Variants in RNGTT observed in about 807,000 individuals in gnomAD.
RNGTT encodes mRNA-capping enzyme.
A neutral mutation model predicts 79.3 loss-of-function variants in RNGTT; 33 were observed. That is an observed-to-expected ratio of 0.42 (90% confidence interval 0.32 to 0.56). The LOEUF is 0.56. Ranked by LOEUF, RNGTT falls within the 20% of genes least tolerant of loss-of-function variation. The pLI is 0.17. For synonymous variants in RNGTT, 222 were observed against 235.9 expected, an observed-to-expected ratio of 0.94 and a Z score of 0.54; for missense variants, 497 against 739.1, an observed-to-expected ratio of 0.67 and a Z score of 3.80.
At chr6:88,737,394 T>C (rs1190035714) in intron 13 of RNGTT, among the ~76,000 whole-genome samples, 1 of 152,186 alleles carries the variant, frequency 6.6e-6, no homozygotes, top group Admixed American at 6.6e-5. Flanking sequence ...CTTTGAACTT[T>C]AGGGTTGATG....
chr6:88,749,425 C>A (rs1017902150), intron 13 of RNGTT, among the ~76,000 whole-genome samples: 1 of 150,408 alleles, frequency 6.6e-6, no homozygotes, highest in Admixed American at 6.6e-5. Context: ...AGGGTAATCA[C>A]CAAGAAAACT....
intron 1 of RNGTT, among the ~76,000 whole-genome samples, chr6:88,958,933 A>G (rs762909716): frequency 6.6e-6 from 1 of 152,246 alleles, no homozygotes; most frequent in Non-Finnish European, 1.5e-5. Flanking sequence ...ACAATTTGCA[A>G]TTGCAAAAAT....
At chr6:88,754,233 G>A (rs1049402079) in intron 13 of RNGTT, among the ~76,000 whole-genome samples, 2 of 152,096 alleles carry the variant, frequency 1.3e-5, no homozygotes, top group African/African-American at 4.8e-5. Flanking sequence ...TTCCTAGCAG[G>A]GGAAATGATT....
At chr6:88,938,761 T>C (rs565166550) in intron 2 of RNGTT, among the ~76,000 whole-genome samples, 1 of 152,310 alleles carries the variant, frequency 6.6e-6, no homozygotes, top group Non-Finnish European at 1.5e-5. Flanking sequence ...GTCTTTCAAT[T>C]TCAGGTACAG....
At chr6:88,668,289 C>T (rs1383925152) in intron 14 of RNGTT, among the ~76,000 whole-genome samples, 3 of 152,164 alleles carry the variant, frequency 2.0e-5, no homozygotes, top group Non-Finnish European at 4.4e-5. Flanking sequence ...AAACCCACAG[C>T]ACCTGAGACC....
At chr6:88,719,195 C>A (rs903652132) in intron 13 of RNGTT, among the ~76,000 whole-genome samples, 7 of 152,172 alleles carry the variant, frequency 4.6e-5, no homozygotes, top group African/African-American at 1.4e-4. Flanking sequence ...TAGAATACTG[C>A]AAGGTATCAA....
chr6:88,827,345 A>G lies in RNGTT; in HGVS notation c.1269+17012T>C, dbSNP rs1000551867. 5.3e-5 allele frequency among the ~76,000 whole-genome samples: 8 copies of G among 152,124 alleles called. No homozygotes were observed. The South Asian group carries it at 1.7e-3, about 31-fold the overall frequency. On this transcript the variant is annotated intron_variant, in intron 11 of 15. Transcript: ENST00000369485. ...CATGACGGACTGTGCCATGAGGGAC[A>G]GTGCACTCAGGCCCAGATACTACGC...
At chr6:88,943,435 C>T (rs1258206820) in intron 1 of RNGTT, among the ~76,000 whole-genome samples, 1 of 152,164 alleles carries the variant, frequency 6.6e-6, no homozygotes, top group Non-Finnish European at 1.5e-5. Flanking sequence ...CAGAATCTGA[C>T]CACTTCTCAC....
chr6:88,770,302 C>A (rs894104490), intron 12 of RNGTT, among the ~76,000 whole-genome samples: 4 of 152,166 alleles, frequency 2.6e-5, no homozygotes, highest in Non-Finnish European at 5.9e-5. Flanking sequence ...GAAAAAATTT[C>A]TTGCTACCAT....
chr6:88,900,408 A>C (rs1047778372), intron 6 of RNGTT, among the ~76,000 whole-genome samples: 1 of 152,226 alleles, frequency 6.6e-6, no homozygotes, highest in Non-Finnish European at 1.5e-5. Flanking sequence ...GCTTAGACAA[A>C]GCTTAATGAG....
intron 14 of RNGTT, among the ~76,000 whole-genome samples, chr6:88,639,576 C>A (rs1287301887): frequency 6.6e-6 from 1 of 152,204 alleles, no homozygotes; most frequent in Non-Finnish European, 1.5e-5. Context: ...TTGGCTCATA[C>A]TTCCCTTATA....
Position 88,885,043 on chromosome 6 carries a change from G to GA in RNGTT, c.896+5451dup, listed in dbSNP as rs201517667. Reference sequence around the variant, plus strand: ...AGTATCAGTACGAACTCGTGATTTTGAAAAAAAAATGTATGCATACACATA... The same window carrying GA: ...AGTATCAGTACGAACTCGTGATTTTGAAAAAAAAAATGTATGCATACACATA... On this transcript the variant is annotated intron_variant, in intron 8 of 15. Transcript: ENST00000369485. 3.5e-3 allele frequency among the ~76,000 whole-genome samples: 522 copies of GA among 148,930 alleles called. 1 individual carries two copies. The highest frequency in any genetic ancestry group is 0.012 in the African/African-American group (476 of 40,558).
intron 11 of RNGTT, among the ~76,000 whole-genome samples, chr6:88,810,672 T>C (rs1029221749): frequency 6.6e-6 from 1 of 152,264 alleles, no homozygotes. Context: ...CTTTTGTGTC[T>C]GATATTACAT....
chr6:88,929,349 C>T lies in RNGTT; in HGVS notation c.175-82G>A, dbSNP rs1170112556. ...ATAAGTAGACTAAATGGCAATACTACAGTTCATTCATTTACATTGAGGGAG... is the reference window on the plus strand; with the variant it reads ...ATAAGTAGACTAAATGGCAATACTATAGTTCATTCATTTACATTGAGGGAG... On this transcript the variant is annotated intron_variant, in intron 2 of 15. Coordinates refer to ENST00000369485, the MANE Select transcript of RNGTT (RefSeq NM_003800.5). 5 of 811,756 alleles carry T rather than the reference C, an allele frequency of 6.2e-6. No homozygotes were observed. In the African/African-American group the frequency reaches 8.7e-5, roughly 14 times the overall value. 50.3% of individuals were successfully genotyped at this position (811,756 alleles called of 1,614,324 possible).
At chr6:88,801,822 GACACACACACACACAC>G (rs56124919) in intron 11 of RNGTT, among the ~76,000 whole-genome samples, 190 bp from the exon 12 acceptor site, 2 of 123,174 alleles carry the variant, frequency 1.6e-5, no homozygotes, top group African/African-American at 2.8e-5. Flanking sequence ...CACACACACA[GACACACACACACACAC>G]ACACACACAC....
At chr6:88,919,575 C>T (rs957562783) in intron 4 of RNGTT, among the ~76,000 whole-genome samples, 7 of 151,976 alleles carry the variant, frequency 4.6e-5, no homozygotes, top group African/African-American at 1.7e-4. Flanking sequence ...AGATCCTTGG[C>T]CTTGGTCTTC....
rs1582231753 is a variant in RNGTT, at chr6:88,611,969, T to C, written c.*750A>G. ...GAACAACACATAAAGGACCTGGTGG[T>C]GTATGTCCAAGTTCCATGAAGTAAC... On this transcript the variant is annotated 3_prime_UTR_variant, in exon 16 of 16. Coordinates refer to ENST00000369485, the MANE Select transcript of RNGTT (RefSeq NM_003800.5). 1 of 152,638 alleles carries C rather than the reference T, an allele frequency of 6.6e-6. No homozygotes were observed. Among genetic ancestry groups the C allele is most frequent in the South Asian group, 2.1e-4 (1 of 4,838 alleles). The allele number at this position is 152,638 out of a possible 1,614,324, so 9.5% of individuals were successfully genotyped here. A position where few individuals can be genotyped will look rare whatever the true frequency, so the allele number is the denominator to read the frequency against.
At chr6:88,789,044 G>A (rs1779317501) in intron 12 of RNGTT, among the ~76,000 whole-genome samples, 1 of 152,156 alleles carries the variant, frequency 6.6e-6, no homozygotes, top group Non-Finnish European at 1.5e-5. Context: ...GCTGGTTTTT[G>A]GGAGTTTGTT....
chr6:88,678,260 T>C (rs1774956063), intron 14 of RNGTT, 93 bp downstream of exon 14: 1 of 1,514,600 alleles, frequency 6.6e-7, no homozygotes, highest in Non-Finnish European at 8.9e-7. Context: ...TGGAACACGA[T>C]ATTTTTATAT....
Sources: gnomAD v4.1 joint callset for allele counts (sites outside exome capture counted in the v4.1 genomes callset) on GRCh38, gnomAD v4.1.1 for gene constraint, MANE v1.5 for transcripts, NCBI Gene and HGNC (gene_info 2026-07-23, HGNC 2026-07-21) for gene names.